FRMD3: variants seen among roughly 807,000 people sequenced by gnomAD.
FRMD3 encodes the protein FERM domain-containing protein 3.
A neutral mutation model predicts 70.2 loss-of-function variants in FRMD3; 33 were observed. That is an observed-to-expected ratio of 0.47 (90% confidence interval 0.36 to 0.63). FRMD3 has a LOEUF of 0.63. Ranked by LOEUF, FRMD3 falls within the 20% of genes least tolerant of loss-of-function variation. The pLI is 0.00. For missense variants in FRMD3, 632 were observed against 711.4 expected, an observed-to-expected ratio of 0.89 and a Z score of 1.27; for synonymous variants, 279 against 255.9, an observed-to-expected ratio of 1.09 and a Z score of -0.86.
chr9:83,525,177 G>A (rs1268158031), intron 1 of FRMD3, among the ~76,000 whole-genome samples: 1 of 152,158 alleles, frequency 6.6e-6, no homozygotes, highest in African/African-American at 2.4e-5. Context: ...TCACGGACTA[G>A]AGTTTTAAAG....
intron 1 of FRMD3, among the ~76,000 whole-genome samples, chr9:83,481,736 A>G (rs1202028795): frequency 6.6e-6 from 1 of 152,172 alleles, no homozygotes; most frequent in African/African-American, 2.4e-5. Context: ...GGGGTCACCA[A>G]ACTAATAAGG....
At chr9:83,427,471 C>T (rs1400971522) in intron 1 of FRMD3, among the ~76,000 whole-genome samples, 4 of 152,138 alleles carry the variant, frequency 2.6e-5, no homozygotes, top group African/African-American at 4.8e-5. Context: ...TCTTGATGTG[C>T]TAGTCTTACA....
chr9:83,396,430 G>A (rs765174881), intron 1 of FRMD3, among the ~76,000 whole-genome samples: 7 of 152,168 alleles, frequency 4.6e-5, no homozygotes, highest in South Asian at 4.1e-4. Flanking sequence ...ATGCACATGC[G>A]TGTACACACA....
At chr9:83,274,656 G>T (rs991773485) in intron 13 of FRMD3, among the ~76,000 whole-genome samples, 54 of 152,294 alleles carry the variant, frequency 3.5e-4, no homozygotes, top group Admixed American at 3.1e-3. Flanking sequence ...AAAAGGCCTT[G>T]CAGGGAACTA....
intron 2 of FRMD3, among the ~76,000 whole-genome samples, chr9:83,386,941 G>T (rs1195159120): frequency 6.6e-6 from 1 of 152,196 alleles, no homozygotes; most frequent in Non-Finnish European, 1.5e-5. Flanking sequence ...CAGAGATGAT[G>T]TGTACTTCTC....
In FRMD3 at chr9:83,269,265, T is replaced by C. The variant is rs186809651; in HGVS notation, c.1196-20749A>G. On this transcript the variant is annotated intron_variant, in intron 13 of 13. Transcript: ENST00000304195. ...CATCATGTTAAAACAACATATGACC[T>C]GACAGCTCACTTGAAACAAACAGAC... Among the ~76,000 whole-genome samples, 145 of 152,332 alleles carry C rather than the reference T, an allele frequency of 9.5e-4. 2 individuals carry two copies. The highest frequency in any genetic ancestry group is 7.6e-3 in the Admixed American group (117 of 15,302).
At chr9:83,583,611 T>C in the FRMD3 span, among the ~76,000 whole-genome samples, 680 of 152,248 alleles carry the variant, frequency 4.5e-3, 2 homozygotes, top group Middle Eastern at 0.01. Context: ...AATCCCTTGT[T>C]GAAAAAAAAA....
At chr9:83,405,159 G>A (rs1282559552) in intron 1 of FRMD3, among the ~76,000 whole-genome samples, 4 of 152,166 alleles carry the variant, frequency 2.6e-5, no homozygotes, top group Non-Finnish European at 5.9e-5. Context: ...GCAGTTTTAA[G>A]CACAAGTGCA....
rs559008524 is a variant in FRMD3, at chr9:83,535,435, T to G, written c.147+2650A>C. ...TGGCTTGAGTTTCCCCTACTTATTT[T>G]GGGGCTCCATAGGCAGCACTCCTGT... On this transcript the variant is annotated intron_variant, in intron 1 of 13. Coordinates refer to ENST00000304195, the MANE Select transcript of FRMD3 (RefSeq NM_174938.6). 1.2e-3 allele frequency among the ~76,000 whole-genome samples: 176 copies of G among 152,202 alleles called. 1 individual carries two copies. Among genetic ancestry groups the G allele is most frequent in the African/African-American group, 4.0e-3 (166 of 41,540 alleles).
chr9:83,576,974 A>G, the FRMD3 span, among the ~76,000 whole-genome samples: 1 of 152,262 alleles, frequency 6.6e-6, no homozygotes, highest in Admixed American at 6.5e-5. Context: ...TAAACATTTA[A>G]GAACACAGTT....
intron 1 of FRMD3, among the ~76,000 whole-genome samples, chr9:83,427,416 C>G (rs1826843015): frequency 1.3e-5 from 2 of 152,182 alleles, no homozygotes; most frequent in South Asian, 4.1e-4. Flanking sequence ...GGGGACAGAA[C>G]ATGAAAAACA....
At chr9:83,546,978 C>A in the FRMD3 span, among the ~76,000 whole-genome samples, 1 of 145,962 alleles carries the variant, frequency 6.9e-6, no homozygotes, top group Non-Finnish European at 1.5e-5. Flanking sequence ...ACCCATCTAA[C>A]TGGTAAATAA....
chr9:83,309,496 G>T, intron 10 of FRMD3, 40 bp downstream of exon 10: 1 of 1,180,188 alleles, frequency 8.5e-7, no homozygotes, highest in Non-Finnish European at 1.2e-6. Flanking sequence ...TTCCATGGGT[G>T]CTTTTAAAAG....
chr9:83,418,320 TAATC>T (rs1826517682), intron 1 of FRMD3, among the ~76,000 whole-genome samples: 1 of 151,752 alleles, frequency 6.6e-6, no homozygotes, highest in Non-Finnish European at 1.5e-5. Flanking sequence ...GAAAAAGAAA[TAATC>T]AGCAGAGTAA....
chr9:83,360,523 T>C (rs1824547147), intron 3 of FRMD3, among the ~76,000 whole-genome samples: 1 of 151,990 alleles, frequency 6.6e-6, no homozygotes, highest in African/African-American at 2.4e-5. Flanking sequence ...TTTTGAGTCG[T>C]GTGGGCCCCT....
chr9:83,419,443 TGAGA>T (rs1215261168), intron 1 of FRMD3, among the ~76,000 whole-genome samples: 1 of 142,988 alleles, frequency 7.0e-6, no homozygotes, highest in African/African-American at 2.7e-5. Flanking sequence ...GGGGCTGCTG[TGAGA>T]GAGTGTGTGT....
At position 83,329,978 on chromosome 9, in the gene FRMD3, G is replaced by A. The variant is rs145471692; in HGVS notation, c.596+5538C>T. On this transcript the variant is annotated intron_variant, in intron 6 of 13. Transcript: ENST00000304195. ...TTATTCTTGATCTTAAACCCCTTCC[G>A]AGCACCCTCAGGACTAACGGAATGG... Among the ~76,000 whole-genome samples the A allele has an allele frequency of 1.8e-3, 281 of 152,150 alleles. 2 individuals are homozygous for A. The highest frequency in any genetic ancestry group is 6.3e-3 in the African/African-American group (260 of 41,500).
chr9:83,254,856 A>C (rs1832624340), intron 13 of FRMD3, among the ~76,000 whole-genome samples: 1 of 152,202 alleles, frequency 6.6e-6, no homozygotes, highest in Non-Finnish European at 1.5e-5. Flanking sequence ...TAGATCAATA[A>C]TGGTTCTGAA....
At chr9:83,306,388 C>T (rs1228022407) in intron 10 of FRMD3, among the ~76,000 whole-genome samples, 1 of 152,172 alleles carries the variant, frequency 6.6e-6, no homozygotes, top group Non-Finnish European at 1.5e-5. Flanking sequence ...TCAAGACCTC[C>T]TGGTCCCTTA....
Sources: allele counts gnomAD v4.1 joint callset (sites outside exome capture counted in the v4.1 genomes callset), GRCh38; gene constraint gnomAD v4.1.1; transcripts MANE v1.5; gene names NCBI Gene and HGNC (gene_info 2026-07-23, HGNC 2026-07-21).